Variants in FRY observed in about 807,000 individuals in gnomAD.
FRY encodes FRY microtubule binding protein.
In FRY, 128 loss-of-function variants were observed where a neutral mutation model predicts 348.4. The ratio of observed to expected loss-of-function variants is 0.37; its 90% CI spans 0.32 to 0.43. The LOEUF is 0.43. Among genes scored for constraint, FRY ranks in the 20% least tolerant of loss-of-function variants. The probability of loss-of-function intolerance (pLI) is 1.00; values close to 1 mark genes in which losing one functional copy is unlikely to be tolerated. For missense variants in FRY, 2,736 were observed against 3,695.2 expected, an observed-to-expected ratio of 0.74 and a Z score of 6.73; for synonymous variants, 1,370 against 1,374.7, an observed-to-expected ratio of 1.00 and a Z score of 0.08.
At chr13:32,202,635 C>A in intron 31 of FRY, 108 bp downstream of exon 31, 1 of 1,038,124 alleles carries the variant, frequency 9.6e-7, no homozygotes, top group Non-Finnish European at 1.5e-6. Context: ...AGTAATTTTT[C>A]TTTTTAAATT....
chr13:32,145,167 A>G (rs944324320), intron 11 of FRY, among the ~76,000 whole-genome samples: 3 of 152,194 alleles, frequency 2.0e-5, no homozygotes, highest in African/African-American at 7.2e-5. Flanking sequence ...AGAGCCAGCT[A>G]CTGACTAGTC....
At chr13:32,179,356 C>CT (rs1158897527) in intron 22 of FRY, among the ~76,000 whole-genome samples, 1 of 152,122 alleles carries the variant, frequency 6.6e-6, no homozygotes, top group Non-Finnish European at 1.5e-5. Flanking sequence ...GAGTATTCAC[C>CT]TTTAAATCAT....
Position 32,212,373 on chromosome 13 carries a change from C to A in FRY, c.4673C>A (p.Ser1558Tyr), listed in dbSNP as rs748641994. The A allele has an allele frequency of 6.3e-7, 1 of 1,593,916 alleles. No homozygotes were observed. The highest frequency in any genetic ancestry group is 1.7e-5 in the Admixed American group (1 of 59,808). ...DAEENKILKE[S>Y]DERFSNVIRA... ...GAGGAGAACAAGATATTGAAAGAATCTGATGAAAGGTTGGTACACAAATTT... is the reference window on the plus strand; with the variant it reads ...GAGGAGAACAAGATATTGAAAGAATATGATGAAAGGTTGGTACACAAATTT... Residue 1558 changes from serine (S) to tyrosine (Y), a missense_variant, in exon 35 of 61, where the codon TCT becomes TAT. Physicochemically the swap from Ser to Tyr is moderately radical, Grantham distance 144. Around this residue, in one of 9 missense-constraint regions of FRY, gnomAD observed 794 missense variants for 977.0 expected, o/e 0.81. Coordinates refer to ENST00000542859, the MANE Select transcript of FRY (RefSeq NM_023037.3).
chr13:32,293,771 G>A (rs1889491666), intron 59 of FRY, among the ~76,000 whole-genome samples: 1 of 152,172 alleles, frequency 6.6e-6, no homozygotes, highest in African/African-American at 2.4e-5. Flanking sequence ...CCTCAAAATT[G>A]TGTCTTCAGC....
chr13:32,161,822 C>T (rs1450232568), intron 17 of FRY, among the ~76,000 whole-genome samples: 2 of 152,190 alleles, frequency 1.3e-5, no homozygotes, highest in East Asian at 1.9e-4. Context: ...ATATTTATCA[C>T]CTTCCCAATG....
In FRY at chr13:32,131,831, G is replaced by T; in HGVS notation, c.876G>T (p.Gln292His). 1 of 1,612,996 alleles carries T rather than the reference G, an allele frequency of 6.2e-7. No individual in the cohort carries two copies. Among genetic ancestry groups the T allele is most frequent in the Non-Finnish European group, 8.5e-7 (1 of 1,178,962 alleles). ...TGGAGGATTTTGAGGCCTCTCTTCAGTTTATGCAGGTAATGTCTTAGGCAG... is the reference window on the plus strand; with the variant it reads ...TGGAGGATTTTGAGGCCTCTCTTCATTTTATGCAGGTAATGTCTTAGGCAG... ...YPVEDFEASL[Q>H]FMQECAHYFL... is the part of the protein sequence containing the mutation. The change falls in exon 8 of 61, where the codon CAG becomes CAT. Residue 292 changes from glutamine (Q) to histidine (H), a missense_variant. Gln to His is a conservative substitution (Grantham distance 24, BLOSUM62 0). Transcript: ENST00000542859.
chr13:32,236,188 A>G lies in FRY; in HGVS notation c.5810+16A>G, dbSNP rs769919649. 5.8e-6 allele frequency: 9 copies of G among 1,554,658 alleles called. No homozygotes were observed. The highest frequency in any genetic ancestry group is 8.0e-6 in the Non-Finnish European group (9 of 1,125,780). On this transcript the variant is annotated intron_variant, in intron 43 of 60. Coordinates refer to ENST00000542859, the MANE Select transcript of FRY (RefSeq NM_023037.3). ...TATTGTCCCGGTGAGAATCAGCTTA[A>G]TGATACTTTGACATCAAGTATACTG...
rs1400561412 is a variant in FRY, at chr13:32,297,449, C to T, written c.*1989C>T. 6.6e-6 allele frequency: 1 copy of T among 151,364 alleles called. No individual in the cohort carries two copies. Among genetic ancestry groups the T allele is most frequent in the Non-Finnish European group, 1.5e-5 (1 of 67,872 alleles). 9.4% of individuals were successfully genotyped at this position (151,364 alleles called of 1,614,324 possible). Reference sequence around the variant, plus strand: ...ATTCGTCATGAACTGAGTTTTCTACCATGGCTTCTTACCCAGCAGAGAACC... The same window carrying T: ...ATTCGTCATGAACTGAGTTTTCTACTATGGCTTCTTACCCAGCAGAGAACC... On this transcript the variant is annotated 3_prime_UTR_variant, in exon 61 of 61. Transcript: ENST00000542859.
chr13:32,265,699 G>A (rs551550390), intron 54 of FRY, 83 bp downstream of exon 54: 2 of 1,345,252 alleles, frequency 1.5e-6, no homozygotes, highest in Non-Finnish European at 2.1e-6. Flanking sequence ...AAGTGTCACA[G>A]TTGCACTGCT....
At chr13:32,034,884 T>A (rs1872429275) in intron 1 of FRY, among the ~76,000 whole-genome samples, 1 of 152,216 alleles carries the variant, frequency 6.6e-6, no homozygotes, top group Non-Finnish European at 1.5e-5. Flanking sequence ...ATCAGTCTCC[T>A]AATAAGGCCT....
chr13:32,178,315 C>T lies in FRY; in HGVS notation c.2560C>T (p.Leu854Phe). The part of the protein sequence containing the change: ...FAQSVKDPWV[L>F]CLFSFLRQEN... The stretch of plus-strand genomic sequence containing the variant: ...ACAGTCTGTCAAAGACCCCTGGGTC[C>T]TCTGCCTCTTCAGCTTCCTCCGGCA... Residue 854 changes from leucine (L) to phenylalanine (F), a missense_variant, in exon 21 of 61, where the codon CTC becomes TTC. Leu to Phe is a conservative substitution (Grantham distance 22). This residue lies in a region of FRY where 449 missense variants were observed against 576.9 expected (regional missense o/e 0.78). Transcript: ENST00000542859. 6.2e-7 allele frequency: 1 copy of T among 1,614,218 alleles called. No individual in the cohort carries two copies. The highest frequency in any genetic ancestry group is 8.5e-7 in the Non-Finnish European group (1 of 1,180,028).
At chr13:32,212,686 T>C (rs150672654) in intron 35 of FRY, among the ~76,000 whole-genome samples, 14 of 152,328 alleles carry the variant, frequency 9.2e-5, no homozygotes, top group African/African-American at 3.4e-4. Context: ...ACAGACCATC[T>C]GGAATTAGAA....
chr13:32,178,513 T>C, intron 21 of FRY, 77 bp downstream of exon 21: 2 of 1,473,052 alleles, frequency 1.4e-6, no homozygotes, highest in Non-Finnish European at 1.9e-6. Flanking sequence ...GTGTAAGAGA[T>C]TGGGATGTTA....
chr13:32,257,976 A>G, intron 51 of FRY: 1 of 1,606,716 alleles, frequency 6.2e-7, no homozygotes, highest in Non-Finnish European at 8.5e-7. Flanking sequence ...ACTTCAGGTA[A>G]GATGATGCTG....
At chr13:32,283,153 C>T (rs1300856577) in intron 58 of FRY, among the ~76,000 whole-genome samples, 1 of 149,136 alleles carries the variant, frequency 6.7e-6, no homozygotes, top group African/African-American at 2.5e-5. Context: ...AAAAAAAAAA[C>T]AAAACAACAA....
intron 2 of FRY, among the ~76,000 whole-genome samples, chr13:32,088,550 A>C (rs1397502445): frequency 6.6e-6 from 1 of 152,212 alleles, no homozygotes; most frequent in Non-Finnish European, 1.5e-5. Flanking sequence ...CTTTCAGATG[A>C]GCTCATAAGT....
chr13:32,156,001 CCTT>C lies in FRY; in HGVS notation c.1651+343_1651+345del, dbSNP rs148431040. On this transcript the variant is annotated intron_variant, in intron 15 of 60. Transcript: ENST00000542859. Reference sequence around the variant, plus strand: ...TGTTCATCAATTCATTCATTCATCTCCTTCTTTTTTCTTTAGTTAAATTTAAAC... The same window carrying C: ...TGTTCATCAATTCATTCATTCATCTCCTTTTTTCTTTAGTTAAATTTAAAC... Among the ~76,000 whole-genome samples, 1,374 of 152,224 alleles carry C rather than the reference CCTT, an allele frequency of 9.0e-3. 44 individuals carry two copies. Among genetic ancestry groups the C allele is most frequent in the Admixed American group, 0.057 (876 of 15,290 alleles).
At chr13:32,185,249 G>C in intron 26 of FRY, 101 bp downstream of exon 26, 1 of 963,876 alleles carries the variant, frequency 1.0e-6, no homozygotes, top group Non-Finnish European at 1.7e-6. Context: ...CCTTTATGCA[G>C]GTCTGGGATG....
At position 32,265,630 on chromosome 13, in the gene FRY, T is replaced by C. The variant is rs768995813; in HGVS notation, c.7946+14T>C. 2.7e-5 allele frequency: 43 copies of C among 1,612,476 alleles called. No individual in the cohort carries two copies. The highest frequency in any genetic ancestry group is 1.7e-4 in the Middle Eastern group (1 of 6,006). On this transcript the variant is annotated intron_variant, in intron 54 of 60. Transcript: ENST00000542859. Reference sequence around the variant, plus strand: ...TACCCTGGCGAGGTAATGGAGCCCTTGGCTGATGTGAGTGGTGTGAATGTG... The same window carrying C: ...TACCCTGGCGAGGTAATGGAGCCCTCGGCTGATGTGAGTGGTGTGAATGTG...
Sources: allele counts gnomAD v4.1 joint callset (sites outside exome capture counted in the v4.1 genomes callset), GRCh38; gene constraint gnomAD v4.1.1; regional missense constraint gnomAD v4.1.1; transcripts MANE v1.5; gene names NCBI Gene and HGNC (gene_info 2026-07-23, HGNC 2026-07-21).